Variants in PRAG1 observed in about 807,000 individuals in gnomAD.
PRAG1 encodes the protein PEAK1 related, kinase-activating pseudokinase 1.
Under a neutral mutation model 95.6 loss-of-function variants are expected in PRAG1, and 110 were observed. The observed-to-expected ratio is 1.15, with a 90% CI of 0.99 to 1.35. PRAG1 has a LOEUF of 1.35. PRAG1 is among the 40% of genes most tolerant of loss of function. PRAG1 has a pLI of 0.00. For missense variants in PRAG1, 2,554 were observed against 1,864.7 expected, an observed-to-expected ratio of 1.37 and a Z score of -6.81; for synonymous variants, 1,052 against 819.4, an observed-to-expected ratio of 1.28 and a Z score of -4.85.
At chr8:8,338,837 G>C (rs1462403959) in intron 4 of PRAG1, among the ~76,000 whole-genome samples, 1 of 152,136 alleles carries the variant, frequency 6.6e-6, no homozygotes, top group African/African-American at 2.4e-5. Context: ...CGCAGGAGAG[G>C]ACACATACAC....
intron 3 of PRAG1, among the ~76,000 whole-genome samples, chr8:8,357,020 C>T (rs967815167): frequency 6.6e-6 from 1 of 151,994 alleles, no homozygotes; most frequent in Non-Finnish European, 1.5e-5. Context: ...ATATTGTATA[C>T]AAAAATTATC....
At chr8:8,360,348 T>A (rs1799806715) in intron 3 of PRAG1, among the ~76,000 whole-genome samples, 1 of 152,312 alleles carries the variant, frequency 6.6e-6, no homozygotes, top group African/African-American at 2.4e-5. Flanking sequence ...CTATGGCACT[T>A]ACTTTTACCT....
chr8:8,360,933 T>A (rs1396733961), intron 3 of PRAG1, among the ~76,000 whole-genome samples: 1 of 152,244 alleles, frequency 6.6e-6, no homozygotes, highest in Non-Finnish European at 1.5e-5. Flanking sequence ...TATTTTGACC[T>A]GGAGGATGTT....
At chr8:8,379,614 T>C (rs1026701098) in intron 2 of PRAG1, among the ~76,000 whole-genome samples, 1 of 152,252 alleles carries the variant, frequency 6.6e-6, no homozygotes, top group African/African-American at 2.4e-5. Context: ...TTAGTTTTCA[T>C]ATATGCTCAC....
chr8:8,353,244 A>G (rs1799582482), intron 3 of PRAG1, among the ~76,000 whole-genome samples: 2 of 152,228 alleles, frequency 1.3e-5, no homozygotes, highest in African/African-American at 4.8e-5. Context: ...AACTTTCCAT[A>G]TAACAGCAGC....
At chr8:8,331,386 C>A (rs1052239450) in intron 4 of PRAG1, among the ~76,000 whole-genome samples, 1 of 152,118 alleles carries the variant, frequency 6.6e-6, no homozygotes, top group African/African-American at 2.4e-5. Context: ...TGTCAGCCTG[C>A]CCTGCCTGAG....
chr8:8,377,641 G>A lies in PRAG1; in HGVS notation c.768C>T (p.Ile256=), dbSNP rs1157399685. 1 of 1,613,668 alleles carries A rather than the reference G, an allele frequency of 6.2e-7. No homozygotes were observed. The highest frequency in any genetic ancestry group is 8.5e-7 in the Non-Finnish European group (1 of 1,180,004). ...GDSEGGEYCS[I]LDCCPGSPVA... Reference sequence around the variant, plus strand: ...CAGGGCTCCCAGGGCAGCAGTCCAGGATGGAGCAGTACTCTCCACCCTCGC... The same window carrying A: ...CAGGGCTCCCAGGGCAGCAGTCCAGAATGGAGCAGTACTCTCCACCCTCGC... Residue 256 remains isoleucine, a synonymous_variant, in exon 3 of 6, where the codon ATC becomes ATT. Coordinates refer to ENST00000615670, the MANE Select transcript of PRAG1 (RefSeq NM_001080826.3).
In PRAG1 at chr8:8,319,113, C is replaced by T. The variant is rs569309951; in HGVS notation, c.3262G>A (p.Val1088Met). ...THPPAQEQDC[V>M]VVITREVPHQ... is the part of the protein sequence containing the mutation. ...GGCACCTCTCGGGTGATGACCACCA[C>T]GCAGTCCTGCTCCTGGGCAGGGGGG... Residue 1088 changes from valine (V) to methionine (M), a missense_variant, in exon 6 of 6, where the codon GTG (valine) becomes ATG (methionine). Physicochemically the swap from Val to Met is conservative, Grantham distance 21. Transcript: ENST00000615670. 11 of 1,608,728 alleles carry T rather than the reference C, an allele frequency of 6.8e-6. No homozygotes were observed. The highest frequency in any genetic ancestry group is 8.5e-6 in the Non-Finnish European group (10 of 1,178,960).
intron 5 of PRAG1, among the ~76,000 whole-genome samples, chr8:8,320,062 A>G (rs1227272991): frequency 6.6e-6 from 1 of 152,230 alleles, no homozygotes; most frequent in African/African-American, 2.4e-5. Flanking sequence ...AAATGACCAT[A>G]TGACCCAGTG....
intron 3 of PRAG1, among the ~76,000 whole-genome samples, chr8:8,368,359 G>T (rs1043047049): frequency 6.6e-6 from 1 of 152,204 alleles, no homozygotes; most frequent in African/African-American, 2.4e-5. Context: ...TTACAGAGTT[G>T]TATGGGAATA....
chr8:8,368,858 A>C (rs1385634205), intron 3 of PRAG1, among the ~76,000 whole-genome samples: 1 of 151,474 alleles, frequency 6.6e-6, no homozygotes, highest in Non-Finnish European at 1.5e-5. Flanking sequence ...TGTTTAGATG[A>C]TTACTACCTG....
In PRAG1 at chr8:8,377,193, C is replaced by A. The variant is rs746798843; in HGVS notation, c.1216G>T (p.Ala406Ser). 1 of 1,611,692 alleles carries A rather than the reference C, an allele frequency of 6.2e-7. No homozygotes were observed. The highest frequency in any genetic ancestry group is 1.7e-5 in the Admixed American group (1 of 59,984). The change falls in exon 3 of 6, where the codon GCT (alanine) becomes TCT (serine). Residue 406 changes from alanine (A) to serine (S), a missense_variant. Transcript: ENST00000615670. ...GCATAGATGGGTTCAGGCTGTGTAG[C>A]CTCCCGGGGGTGGGCCGGGGGCTGG... ...EPQPPAHPRE[A>S]TQPEPIYAES...
intron 3 of PRAG1, among the ~76,000 whole-genome samples, chr8:8,343,390 C>CAATG (rs1799233003): frequency 1.3e-5 from 2 of 152,150 alleles, no homozygotes; most frequent in Admixed American, 1.3e-4. Flanking sequence ...TGTCCTTGAG[C>CAATG]AATGTTACTT....
intron 4 of PRAG1, among the ~76,000 whole-genome samples, chr8:8,334,429 C>A (rs1046762448): frequency 2.2e-5 from 3 of 134,614 alleles, no homozygotes; most frequent in Admixed American, 1.6e-4. Context: ...GAGTGAGACT[C>A]CATCTCAAAA....
intron 3 of PRAG1, among the ~76,000 whole-genome samples, chr8:8,354,654 C>G (rs1188203648): frequency 6.6e-6 from 1 of 152,220 alleles, no homozygotes; most frequent in South Asian, 2.1e-4. Context: ...TAATATGTCA[C>G]ATTAACAGAA....
intron 3 of PRAG1, chr8:8,374,532 T>G (rs1486844373): frequency 2.1e-5 from 10 of 476,726 alleles, no homozygotes; most frequent in Non-Finnish European, 2.5e-5. Context: ...CATCTGTAAA[T>G]TGGGGCTGGC....
chr8:8,349,936 C>T (rs1315141855), intron 3 of PRAG1, among the ~76,000 whole-genome samples: 1 of 150,332 alleles, frequency 6.7e-6, no homozygotes, highest in African/African-American at 2.5e-5. Context: ...AAAATACACA[C>T]ACACACACAC....
intron 3 of PRAG1, among the ~76,000 whole-genome samples, chr8:8,355,184 A>C (rs970964699): frequency 6.6e-6 from 1 of 152,200 alleles, no homozygotes; most frequent in Non-Finnish European, 1.5e-5. Flanking sequence ...TGGCATAAAA[A>C]ATTAGGAATA....
In PRAG1 at chr8:8,378,034, C is replaced by T. The variant is rs781527782; in HGVS notation, c.375G>A (p.Gln125=). The T allele has an allele frequency of 4.5e-6, 7 of 1,564,704 alleles. No homozygotes were observed. The South Asian group carries it at 4.8e-5, about 11-fold the overall frequency. Residue 125 remains glutamine, a synonymous_variant, in exon 3 of 6, where the codon CAG becomes CAA. Transcript: ENST00000615670. ...CCAGGTAGACGACGGGGGCATCCTC[C>T]TGCTTCGGGAGGGGGAGCTTGCCAG... is the stretch of plus-strand genomic sequence containing the variant. The part of the protein sequence containing the change: ...RAPGKLPLPK[Q]EDAPVVYLGS...
Sources: gnomAD v4.1 joint callset for allele counts (sites outside exome capture counted in the v4.1 genomes callset) on GRCh38, gnomAD v4.1.1 for gene constraint, MANE v1.5 for transcripts, NCBI Gene and HGNC (gene_info 2026-07-23, HGNC 2026-07-21) for gene names.